Variants in MCF2L observed in about 807,000 individuals in gnomAD.
MCF2L encodes the protein MCF.2 cell line derived transforming sequence like.
A neutral mutation model predicts 153.4 loss-of-function variants in MCF2L; 97 were observed. The ratio of observed to expected loss-of-function variants is 0.63; its 90% CI spans 0.54 to 0.75. The LOEUF (loss-of-function observed/expected upper bound fraction) is 0.75, where lower values mean the gene tolerates loss of function less well. Ranked by LOEUF, MCF2L falls within the 30% of genes least tolerant of loss-of-function variation. MCF2L has a pLI of 0.00. For missense variants in MCF2L, 1,347 were observed against 1,495.2 expected, an observed-to-expected ratio of 0.90 and a Z score of 1.64; for synonymous variants, 659 against 632.2, an observed-to-expected ratio of 1.04 and a Z score of -0.64.
Position 113,087,296 on chromosome 13 carries a change from A to G in MCF2L, c.2435A>G (p.His812Arg). ...MQGSFSVWTD[H>R]KRGHTKVKEL... Reference sequence around the variant, plus strand: ...GGCTCGTTCAGCGTCTGGACCGACCACAAGAGGGGCCACACCAAGGTGAAG... The same window carrying G: ...GGCTCGTTCAGCGTCTGGACCGACCGCAAGAGGGGCCACACCAAGGTGAAG... The change falls in exon 22 of 30, where the codon CAC becomes CGC. Residue 812 changes from histidine (H) to arginine (R), a missense_variant. Physicochemically the swap from His to Arg is conservative, Grantham distance 29. This residue lies in a region of MCF2L where 144 missense variants were observed against 238.7 expected (regional missense o/e 0.60). Coordinates refer to ENST00000535094, the MANE Select transcript of MCF2L (RefSeq NM_001112732.3). 6.2e-7 allele frequency: 1 copy of G among 1,613,168 alleles called. No homozygotes were observed. Among genetic ancestry groups the G allele is most frequent in the Non-Finnish European group, 8.5e-7 (1 of 1,180,032 alleles).
intron 2 of MCF2L, among the ~76,000 whole-genome samples, chr13:112,963,216 C>T (rs1262857072): frequency 6.6e-6 from 1 of 152,344 alleles, no homozygotes; most frequent in African/African-American, 2.4e-5. Flanking sequence ...TGTCTCTTCA[C>T]GTCCTCCTCC....
chr13:113,058,772 T>G (rs2030801946), intron 4 of MCF2L, among the ~76,000 whole-genome samples: 1 of 138,072 alleles, frequency 7.2e-6, no homozygotes, highest in African/African-American at 2.8e-5. Context: ...GGCTGAGTAT[T>G]TGGGGGCTGA....
At chr13:112,946,895 G>A (rs149133914) in intron 2 of MCF2L, among the ~76,000 whole-genome samples, 4 of 152,198 alleles carry the variant, frequency 2.6e-5, no homozygotes, top group Non-Finnish European at 5.9e-5. Context: ...AACTCTGAGG[G>A]GGGGAGGAGG....
In MCF2L at chr13:113,046,921, C is replaced by G. The variant is rs2086853311; in HGVS notation, c.369+1560C>G. 4.4e-6 allele frequency: 1 copy of G among 227,654 alleles called. No individual in the cohort carries two copies. Among genetic ancestry groups the G allele is most frequent in the Non-Finnish European group, 8.7e-6 (1 of 114,870 alleles). 14.1% of individuals were successfully genotyped at this position (227,654 alleles called of 1,614,324 possible). On this transcript the variant is annotated intron_variant, in intron 4 of 29. Transcript: ENST00000535094. The surrounding 1 kb of genome is among the most constrained non-coding windows in gnomAD (Gnocchi z 4.4). ...GCGTCACTATAAAGACGTACTTGAG[C>G]TGGGTAATTGATAAAGAAAGAGGCG... is the stretch of plus-strand genomic sequence containing the variant.
At chr13:113,096,340 GCT>G (rs1566892697) in intron 27 of MCF2L, 29 bp from the exon 28 acceptor site, 2 of 1,495,014 alleles carry the variant, frequency 1.3e-6, no homozygotes, top group Middle Eastern at 2.0e-4. Flanking sequence ...GGGTGCTGAC[GCT>G]GTCTGTGCCC....
rs149133914 is a variant in MCF2L, at chr13:112,946,895, G to C, written c.169+44524G>C. ...AAGCACACACAGGACAACTCTGAGG[G>C]GGGGAGGAGGAGGCAGAATAGTCAC... On this transcript the variant is annotated intron_variant, in intron 2 of 29. Coordinates refer to the MCF2L transcript ENST00000375608. Among the ~76,000 whole-genome samples the C allele has an allele frequency of 4.6e-3, 703 of 152,312 alleles. 2 individuals carry two copies. The highest frequency in any genetic ancestry group is 0.016 in the African/African-American group (680 of 41,554).
chr13:112,994,332 G>A lies in MCF2L; in HGVS notation c.80-20431G>A, dbSNP rs375461002. Among the ~76,000 whole-genome samples the A allele has an allele frequency of 6.8e-3, 1,021 of 151,056 alleles. 7 individuals carry two copies. Among genetic ancestry groups the A allele is most frequent in the African/African-American group, 0.018 (730 of 41,070 alleles). ...CCAAGCTGACGTCACTGTCTGTGCCGGTGTCTCGGGCGGGGGCCAGTGTGG... is the reference window on the plus strand; with the variant it reads ...CCAAGCTGACGTCACTGTCTGTGCCAGTGTCTCGGGCGGGGGCCAGTGTGG... On this transcript the variant is annotated intron_variant, in intron 1 of 29. Coordinates refer to ENST00000535094, the MANE Select transcript of MCF2L (RefSeq NM_001112732.3).
At chr13:112,955,548 C>A (rs552446294) in intron 2 of MCF2L, among the ~76,000 whole-genome samples, 46 of 152,282 alleles carry the variant, frequency 3.0e-4, no homozygotes, top group African/African-American at 1.1e-3. Context: ...CTTTGTGACC[C>A]CATTTTACAG....
intron 2 of MCF2L, among the ~76,000 whole-genome samples, chr13:112,954,349 C>A (rs2081731508): frequency 1.3e-5 from 2 of 152,076 alleles, no homozygotes; most frequent in Admixed American, 6.5e-5. Context: ...TGGAAAGTGG[C>A]CGAGGCAACC....
intron 9 of MCF2L, among the ~76,000 whole-genome samples, chr13:113,072,611 A>G (rs2033031897): frequency 6.6e-6 from 1 of 152,200 alleles, no homozygotes; most frequent in African/African-American, 2.4e-5. Flanking sequence ...GAGATATAGT[A>G]GTGTGCTTTT....
chr13:113,099,375 G>C lies in MCF2L; in HGVS notation c.*2516G>C, dbSNP rs1005254376. ...GGGAAGATCATTGAAACACTGTTTG[G>C]CAATTTAAAAGCTTGTTTCTAACTC... is the stretch of plus-strand genomic sequence containing the variant. On this transcript the variant is annotated 3_prime_UTR_variant, in exon 30 of 30. Transcript: ENST00000535094. 6.6e-6 allele frequency: 1 copy of C among 152,168 alleles called. No homozygotes were observed. Among genetic ancestry groups the C allele is most frequent in the African/African-American group, 2.4e-5 (1 of 41,440 alleles). 9.4% of individuals were successfully genotyped at this position (152,168 alleles called of 1,614,324 possible).
At chr13:112,899,548 T>C (rs2081100808) in intron 1 of MCF2L, among the ~76,000 whole-genome samples, 1 of 152,184 alleles carries the variant, frequency 6.6e-6, no homozygotes, top group Admixed American at 6.5e-5. Flanking sequence ...CCCACGTATC[T>C]TGGGGTTAAC....
chr13:113,064,406 C>T lies in MCF2L; in HGVS notation c.592C>T (p.Leu198=), dbSNP rs758594171. The T allele has an allele frequency of 1.2e-6, 2 of 1,612,028 alleles. No homozygotes were observed. The highest frequency in any genetic ancestry group is 1.7e-6 in the Non-Finnish European group (2 of 1,179,574). ...CCTGGACTACTGCCACTCCCGGTGGCTGTGCCAGCGCACGGTGAGCCGCGT... is the reference window on the plus strand; with the variant it reads ...CCTGGACTACTGCCACTCCCGGTGGTTGTGCCAGCGCACGGTGAGCCGCGT... ...GTLDYCHSRW[L]CQRTAIESFA... The change falls in exon 6 of 30, where the codon CTG becomes TTG. Residue 198 remains leucine, a synonymous_variant. Coordinates refer to ENST00000535094, the MANE Select transcript of MCF2L (RefSeq NM_001112732.3). The surrounding 1 kb of genome is among the most constrained non-coding windows in gnomAD (Gnocchi z 6.0).
chr13:113,090,078 C>A, intron 26 of MCF2L: 1 of 1,554,652 alleles, frequency 6.4e-7, no homozygotes, highest in South Asian at 1.2e-5. Context: ...ATGACACGGT[C>A]ACTAGCTCTG....
Position 113,066,103 on chromosome 13 carries a change from C to T in MCF2L, c.814C>T (p.Leu272=). The part of the protein sequence containing the change: ...GHSVLESLRE[L]QAEGSEPSVN... The stretch of plus-strand genomic sequence containing the variant: ...CAGTGTCCTGGAGAGCCTCAGGGAG[C>T]TGCAGGCTGAGGGCTCAGAGCCCAG... The change falls in exon 8 of 30, where the codon CTG becomes TTG. Residue 272 remains leucine, a synonymous_variant. Coordinates refer to ENST00000535094, the MANE Select transcript of MCF2L (RefSeq NM_001112732.3). The T allele has an allele frequency of 2.5e-6, 4 of 1,613,388 alleles. No individual in the cohort carries two copies. Among genetic ancestry groups the T allele is most frequent in the Non-Finnish European group, 3.4e-6 (4 of 1,179,958 alleles).
At chr13:113,062,665 AGTT>A (rs2031704933) in intron 5 of MCF2L, among the ~76,000 whole-genome samples, 1 of 152,086 alleles carries the variant, frequency 6.6e-6, no homozygotes, top group Admixed American at 6.6e-5. Context: ...TGAAGGATGC[AGTT>A]GTTGACACGT....
intron 2 of MCF2L, among the ~76,000 whole-genome samples, chr13:112,910,836 T>C (rs2081223357): frequency 6.6e-6 from 1 of 152,256 alleles, no homozygotes; most frequent in Non-Finnish European, 1.5e-5. Context: ...ACTGTGCCGC[T>C]GGTGACCTGG....
At chr13:113,090,064 A>G (rs1168559850) in intron 26 of MCF2L, 3 of 1,563,144 alleles carry the variant, frequency 1.9e-6, no homozygotes, top group Non-Finnish European at 2.6e-6. Flanking sequence ...CTCTTCCTTC[A>G]TAGATGACAC....
chr13:113,088,732 A>T, intron 25 of MCF2L, 104 bp downstream of exon 25: 1 of 1,231,428 alleles, frequency 8.1e-7, no homozygotes, highest in South Asian at 1.3e-5. Flanking sequence ...CCCTGTGGTT[A>T]TTGGGGTTTT....
Sources: gnomAD v4.1 joint callset for allele counts (sites outside exome capture counted in the v4.1 genomes callset) on GRCh38, gnomAD v4.1.1 for gene constraint, gnomAD v4.1.1 regional missense constraint, Gnocchi (gnomAD v3.1) non-coding constraint, MANE v1.5 for transcripts, NCBI Gene and HGNC (gene_info 2026-07-23, HGNC 2026-07-21) for gene names.